SOX5: variants seen among roughly 807,000 people sequenced by gnomAD.
SOX5 encodes the protein transcription factor SOX-5.
In SOX5, 9 loss-of-function variants were observed where a neutral mutation model predicts 92.0. That is an observed-to-expected ratio of 0.10 (90% CI 0.06 to 0.17). The LOEUF (loss-of-function observed/expected upper bound fraction) is 0.17. Ranked by LOEUF, SOX5 falls within the 10% of genes least tolerant of loss-of-function variation. SOX5 has a pLI of 1.00. For missense variants in SOX5, 642 were observed against 944.5 expected (o/e 0.68, Z 4.20); for synonymous variants, 344 against 336.3 (o/e 1.02, Z -0.25).
chr12:24,247,341 G>A (rs1033107785), intron 3 of SOX5, among the ~76,000 whole-genome samples: 1 of 152,076 alleles, frequency 6.6e-6, no homozygotes, highest in African/African-American at 2.4e-5. Flanking sequence ...ACCCTATCTA[G>A]ACTGCAGAGT....
At chr12:23,722,860 C>A (rs1223827321) in intron 6 of SOX5, among the ~76,000 whole-genome samples, 1 of 152,132 alleles carries the variant, frequency 6.6e-6, no homozygotes, top group African/African-American at 2.4e-5. Context: ...CAGTTGTGTA[C>A]AAAGCGCAAT....
chr12:23,957,956 T>C (rs769391140), intron 4 of SOX5, among the ~76,000 whole-genome samples: 1 of 152,118 alleles, frequency 6.6e-6, no homozygotes, highest in Non-Finnish European at 1.5e-5. Flanking sequence ...GGGTATCAAA[T>C]GGTATATTAC....
intron 9 of SOX5, among the ~76,000 whole-genome samples, chr12:23,580,208 G>T (rs552431040): frequency 6.6e-6 from 1 of 151,954 alleles, no homozygotes; most frequent in South Asian, 2.1e-4. Flanking sequence ...GGCTTAGAAA[G>T]TTCTAATGAA....
rs191699823 is a variant in SOX5 at position 24,399,401 on chromosome 12, A to G, written c.-250-30762T>C. ...TAACTGTGATTATAAAGATATACTA[A>G]AGGAATTTTATTTCAAGACACAGGG... On this transcript the variant is annotated intron_variant, in intron 1 of 4. Coordinates refer to the SOX5 transcript ENST00000446891. Among the ~76,000 whole-genome samples the G allele has an allele frequency of 7.0e-4, 107 of 152,344 alleles. No individual in the cohort carries two copies. In the East Asian group the frequency reaches 0.013, roughly 18 times the overall value.
At chr12:23,925,083 T>G (rs966406728) in intron 1 of SOX5, among the ~76,000 whole-genome samples, 1 of 151,960 alleles carries the variant, frequency 6.6e-6, no homozygotes, top group African/African-American at 2.4e-5. Flanking sequence ...TTATCACAAA[T>G]ATATTACCAT....
At chr12:24,111,320 C>T (rs557967364) in intron 4 of SOX5, among the ~76,000 whole-genome samples, 19 of 152,194 alleles carry the variant, frequency 1.2e-4, no homozygotes, top group Non-Finnish European at 1.9e-4. Context: ...CATCTGTACT[C>T]ATGCTTCAAG....
intron 3 of SOX5, among the ~76,000 whole-genome samples, chr12:24,228,586 C>A (rs1695740186): frequency 6.6e-6 from 1 of 152,180 alleles, no homozygotes; most frequent in Admixed American, 6.5e-5. Flanking sequence ...CCAACTCAAC[C>A]CTGCAAGCTG....
At chr12:23,583,527 C>T (rs1013870688) in intron 9 of SOX5, among the ~76,000 whole-genome samples, 2 of 152,070 alleles carry the variant, frequency 1.3e-5, no homozygotes, top group Non-Finnish European at 2.9e-5. Flanking sequence ...TTTGTTTAAC[C>T]TCTGGTCCCC....
intron 6 of SOX5, among the ~76,000 whole-genome samples, chr12:23,701,277 C>T (rs2090592485): frequency 6.6e-6 from 1 of 152,018 alleles, no homozygotes; most frequent in African/African-American, 2.4e-5. Context: ...ATTTTGTTAT[C>T]TCCAACAGAA....
intron 2 of SOX5, among the ~76,000 whole-genome samples, chr12:24,304,883 C>T (rs552203899): frequency 1.3e-4 from 20 of 152,326 alleles, no homozygotes; most frequent in Admixed American, 1.0e-3. Context: ...ACTGCTGACT[C>T]TACCTCCTGC....
At chr12:23,651,024 A>G (rs566034624) in intron 7 of SOX5, among the ~76,000 whole-genome samples, 10 of 152,170 alleles carry the variant, frequency 6.6e-5, no homozygotes, top group African/African-American at 1.9e-4. Flanking sequence ...AAAAAAGAAA[A>G]TATGTGAGAA....
chr12:24,165,922 T>C (rs4396372), intron 4 of SOX5, among the ~76,000 whole-genome samples: 13,497 of 152,074 alleles, frequency 0.089, 786 homozygotes, highest in Admixed American at 0.14. Context: ...ATGAAATATG[T>C]GAGATTAGGG....
intron 2 of SOX5, among the ~76,000 whole-genome samples, chr12:23,860,709 C>T (rs534624626): frequency 1.3e-5 from 2 of 152,076 alleles, no homozygotes; most frequent in East Asian, 1.9e-4. Context: ...AAAATAAAGG[C>T]TGTAAAATAA....
chr12:23,970,841 A>ATATTTTTTTT lies in SOX5; in HGVS notation c.-1-74818_-1-74817insAAAAAAAATA. 1.8e-4 allele frequency among the ~76,000 whole-genome samples: 4 copies of ATATTTTTTTT among 21,870 alleles called. 1 individual carries two copies. The highest frequency in any genetic ancestry group is 2.1e-4 in the Non-Finnish European group (2 of 9,706). The allele number at this position is 21,870 out of a possible 152,430, so 14.3% of individuals were successfully genotyped here. A position where few individuals can be genotyped will look rare whatever the true frequency, so the allele number is the denominator to read the frequency against. Reference sequence around the variant, plus strand: ...ACATGGGACTTTATATATATATATAATTTTTTTTTTTTTTTAAGAAATGGG... The same window carrying ATATTTTTTTT: ...ACATGGGACTTTATATATATATATAATATTTTTTTTTTTTTTTTTTTTTTTAAGAAATGGG... On this transcript the variant is annotated intron_variant, in intron 4 of 4. Transcript: ENST00000446891.
chr12:24,430,596 T>C (rs1938113550), intron 1 of SOX5, among the ~76,000 whole-genome samples: 1 of 152,010 alleles, frequency 6.6e-6, no homozygotes, highest in South Asian at 2.1e-4. Context: ...ACAAGTGCAC[T>C]TCCTTACAAA....
chr12:23,935,875 C>T (rs1215403646), intron 1 of SOX5, among the ~76,000 whole-genome samples: 1 of 151,064 alleles, frequency 6.6e-6, no homozygotes, highest in Non-Finnish European at 1.5e-5. Context: ...TATGGTAGCA[C>T]ATTATTTTCT....
chr12:23,547,038 C>T (rs563403500), intron 11 of SOX5, among the ~76,000 whole-genome samples: 4 of 151,998 alleles, frequency 2.6e-5, no homozygotes, highest in South Asian at 2.1e-4. Context: ...ATTGAGTTGG[C>T]GAATTATTTG....
intron 1 of SOX5, among the ~76,000 whole-genome samples, chr12:24,413,402 C>T (rs1964466199): frequency 6.6e-6 from 1 of 152,164 alleles, no homozygotes. Flanking sequence ...CTGCATGATA[C>T]ATATTTTTCC....
intron 1 of SOX5, among the ~76,000 whole-genome samples, chr12:23,926,672 A>AT (rs1438334153): frequency 2.6e-5 from 4 of 152,002 alleles, no homozygotes; most frequent in Non-Finnish European, 4.4e-5. Flanking sequence ...TGACACATAC[A>AT]TTTTTGTCCT....
Sources: gnomAD v4.1 joint callset for allele counts (sites outside exome capture counted in the v4.1 genomes callset) on GRCh38, gnomAD v4.1.1 for gene constraint, MANE v1.5 for transcripts, NCBI Gene and HGNC (gene_info 2026-07-23, HGNC 2026-07-21) for gene names.